The following FHIT variants were observed in gnomAD, a reference collection of about 807,000 sequenced individuals.
The protein encoded by FHIT is bis(5'-adenosyl)-triphosphatase.
FHIT carries 19 observed loss-of-function variants against 17.9 expected under a neutral mutation model. The observed-to-expected ratio is 1.06, with a 90% CI of 0.74 to 1.56. The LOEUF (loss-of-function observed/expected upper bound fraction) is 1.56. FHIT is among the 40% of genes most tolerant of loss of function. The pLI is 0.00. For synonymous variants in FHIT, 81 were observed against 69.7 expected, an observed-to-expected ratio of 1.16 and a Z score of -0.81; for missense variants, 248 against 189.2, an observed-to-expected ratio of 1.31 and a Z score of -1.82.
Position 60,814,471 on chromosome 3 carries a change from T to C in FHIT, c.-18+7448A>G, listed in dbSNP as rs972904855. Among the ~76,000 whole-genome samples the C allele has an allele frequency of 2.0e-5, 3 of 152,322 alleles. No homozygotes were observed. In the South Asian group the frequency reaches 6.2e-4, roughly 32 times the overall value. ...AGAACATGTGGCATTTAGTTTTCTG[T>C]TCCTGCATTAAATTGCTAGGATAAT... On this transcript the variant is annotated intron_variant, in intron 4 of 9. Coordinates refer to ENST00000492590, the MANE Select transcript of FHIT (RefSeq NM_002012.4).
intron 1 of FHIT, among the ~76,000 whole-genome samples, chr3:61,218,730 C>T (rs1280513524): frequency 6.6e-6 from 1 of 152,130 alleles, no homozygotes; most frequent in East Asian, 1.9e-4. Flanking sequence ...CATATAGTGT[C>T]TTATGATAGG....
At chr3:60,409,103 T>A (rs1301708170) in intron 5 of FHIT, among the ~76,000 whole-genome samples, 1 of 152,172 alleles carries the variant, frequency 6.6e-6, no homozygotes, top group African/African-American at 2.4e-5. Flanking sequence ...AGAGTACAGA[T>A]TTCATTGGAT....
In FHIT at chr3:60,182,897, A is replaced by G. The variant is rs75274366; in HGVS notation, c.104-168745T>C. ...TGTAAAAAGCAGAAAAACAAAGTCAAAAAATAATGGAGGGTTAAAAAAAAA... is the reference window on the plus strand; with the variant it reads ...TGTAAAAAGCAGAAAAACAAAGTCAGAAAATAATGGAGGGTTAAAAAAAAA... On this transcript the variant is annotated intron_variant, in intron 5 of 9. Transcript: ENST00000492590. 7.6e-3 allele frequency among the ~76,000 whole-genome samples: 1,159 copies of G among 151,960 alleles called. 10 individuals are homozygous for G. The highest frequency in any genetic ancestry group is 0.027 in the African/African-American group (1,105 of 41,458).
At chr3:60,949,871 T>C (rs904734308) in intron 3 of FHIT, among the ~76,000 whole-genome samples, 3 of 152,188 alleles carry the variant, frequency 2.0e-5, no homozygotes. Flanking sequence ...ATAGTAAAAC[T>C]TGGAAATCTT....
At position 59,788,881 on chromosome 3, in the gene FHIT, G is replaced by GTTTTTTTT. The variant is rs60361063; in HGVS notation, c.349-36568_349-36561dup. ...ACCACGTTCTTTGCTGAGTTCATAT[G>GTTTTTTTT]TTTTTTTTTTTTACCCCATCTCCAA... On this transcript the variant is annotated intron_variant, in intron 8 of 9. Coordinates refer to ENST00000492590, the MANE Select transcript of FHIT (RefSeq NM_002012.4). Among the ~76,000 whole-genome samples, 134 of 86,838 alleles carry GTTTTTTTT rather than the reference G, an allele frequency of 1.5e-3. 14 individuals are homozygous for GTTTTTTTT. The highest frequency in any genetic ancestry group is 0.01 in the Middle Eastern group (1 of 98). 57.0% of individuals were successfully genotyped at this position (86,838 alleles called of 152,430 possible).
intron 5 of FHIT, among the ~76,000 whole-genome samples, chr3:60,040,978 C>A (rs1474656569): frequency 2.0e-5 from 3 of 151,878 alleles, no homozygotes; most frequent in Non-Finnish European, 4.4e-5. Context: ...CCCCTAAAAG[C>A]TAGAAAGGGG....
At chr3:60,274,656 T>C (rs1338997670) in intron 5 of FHIT, among the ~76,000 whole-genome samples, 1 of 152,182 alleles carries the variant, frequency 6.6e-6, no homozygotes, top group African/African-American at 2.4e-5. Context: ...ACAGCTTTTT[T>C]CAAAAATTTG....
chr3:60,968,436 G>C (rs920984128), intron 3 of FHIT, among the ~76,000 whole-genome samples: 7 of 126,116 alleles, frequency 5.6e-5, no homozygotes, highest in Admixed American at 3.3e-4. Flanking sequence ...TTTTTTTTTC[G>C]AGATGGAGTC....
At chr3:60,463,227 T>C (rs915547011) in intron 5 of FHIT, among the ~76,000 whole-genome samples, 6 of 152,192 alleles carry the variant, frequency 3.9e-5, no homozygotes, top group Non-Finnish European at 8.8e-5. Flanking sequence ...TTCATGTAAA[T>C]GTTGAGAAGG....
At position 60,516,704 on chromosome 3, in the gene FHIT, G is replaced by A. The variant is rs1427780308; in HGVS notation, c.103+20156C>T. 2.6e-5 allele frequency among the ~76,000 whole-genome samples: 4 copies of A among 152,298 alleles called. No individual in the cohort carries two copies. The South Asian group carries it at 8.3e-4, about 32-fold the overall frequency. Reference sequence around the variant, plus strand: ...TTATCAAATGCCTAGAACAATCTCAGAGCATAAATATTATATGTTAGATGA... The same window carrying A: ...TTATCAAATGCCTAGAACAATCTCAAAGCATAAATATTATATGTTAGATGA... On this transcript the variant is annotated intron_variant, in intron 5 of 9. Transcript: ENST00000492590.
chr3:60,312,700 A>G (rs1709000911), intron 5 of FHIT, among the ~76,000 whole-genome samples: 1 of 152,160 alleles, frequency 6.6e-6, no homozygotes, highest in Non-Finnish European at 1.5e-5. Flanking sequence ...TATGATTAAA[A>G]AACACTGCAT....
chr3:60,206,160 A>AT (rs200876713), intron 5 of FHIT, among the ~76,000 whole-genome samples: 98 of 143,724 alleles, frequency 6.8e-4, no homozygotes, highest in African/African-American at 1.7e-3. Flanking sequence ...AATAATAATA[A>AT]TAATAATAAT....
intron 4 of FHIT, among the ~76,000 whole-genome samples, chr3:60,566,193 G>A (rs1181284759): frequency 1.3e-5 from 2 of 152,016 alleles, no homozygotes; most frequent in Admixed American, 1.3e-4. Flanking sequence ...GGTCAATTTT[G>A]GAATCAGTGC....
At chr3:60,641,603 C>G (rs1553685299) in intron 4 of FHIT, among the ~76,000 whole-genome samples, 2 of 152,114 alleles carry the variant, frequency 1.3e-5, no homozygotes, top group African/African-American at 2.4e-5. Flanking sequence ...CAAACAGTGT[C>G]CTTCGTTTCT....
chr3:59,943,159 A>T (rs1328804157), intron 7 of FHIT, among the ~76,000 whole-genome samples: 5 of 152,166 alleles, frequency 3.3e-5, no homozygotes, highest in Non-Finnish European at 7.3e-5. Context: ...TGACAATGGA[A>T]GTGCTTGCAC....
At position 61,108,931 on chromosome 3, in the gene FHIT, C is replaced by A. The variant is rs148513012; in HGVS notation, c.-163-66832G>T. 6.1e-3 allele frequency among the ~76,000 whole-genome samples: 925 copies of A among 152,278 alleles called. 5 individuals carry two copies. Among genetic ancestry groups the A allele is most frequent in the African/African-American group, 9.0e-3 (373 of 41,580 alleles). Reference sequence around the variant, plus strand: ...TTTTCAGCACAGTTCTCTGGGCAAGCAACTTTAGTGATTAAAGTTAGCCTA... The same window carrying A: ...TTTTCAGCACAGTTCTCTGGGCAAGAAACTTTAGTGATTAAAGTTAGCCTA... On this transcript the variant is annotated intron_variant, in intron 2 of 9. Coordinates refer to ENST00000492590, the MANE Select transcript of FHIT (RefSeq NM_002012.4).
rs1213177996 is a variant in FHIT, at chr3:60,820,694, G to A, written c.-18+1225C>T. Among the ~76,000 whole-genome samples the A allele has an allele frequency of 8.5e-5, 13 of 152,182 alleles. 1 individual carries two copies. Among genetic ancestry groups the A allele is most frequent in the Admixed American group, 7.9e-4 (12 of 15,284 alleles). ...GATAAGCTGGCTGACATTGTAAAGT[G>A]GATACAGGAAACTGGGACTTAACCG... On this transcript the variant is annotated intron_variant, in intron 4 of 9. Coordinates refer to ENST00000492590, the MANE Select transcript of FHIT (RefSeq NM_002012.4).
chr3:60,493,849 T>C (rs550746219), intron 5 of FHIT, among the ~76,000 whole-genome samples: 1 of 152,158 alleles, frequency 6.6e-6, no homozygotes, highest in South Asian at 2.1e-4. Context: ...TAATGGAGTG[T>C]TGAATGGAAC....
intron 5 of FHIT, among the ~76,000 whole-genome samples, chr3:60,051,019 G>T (rs938975299): frequency 1.3e-5 from 2 of 152,138 alleles, no homozygotes; most frequent in African/African-American, 2.4e-5. Flanking sequence ...TCCTCAGAGG[G>T]TTCCTATTCT....
Sources: allele counts gnomAD v4.1 joint callset (sites outside exome capture counted in the v4.1 genomes callset), GRCh38; gene constraint gnomAD v4.1.1; transcripts MANE v1.5; gene names NCBI Gene and HGNC (gene_info 2026-07-23, HGNC 2026-07-21).